LARGE1: variants seen among roughly 807,000 people sequenced by gnomAD.
The protein encoded by LARGE1 is LARGE xylosyl- and glucuronyltransferase 1, also known as xylosyl- and glucuronyltransferase LARGE1.
Under a neutral mutation model 87.6 loss-of-function variants are expected in LARGE1, and 43 were observed. That is an observed-to-expected ratio of 0.49 (90% CI 0.38 to 0.63). The LOEUF (loss-of-function observed/expected upper bound fraction) is 0.63. LARGE1 is among the 30% of genes least tolerant of loss of function. The probability of loss-of-function intolerance (pLI) is 0.00; values close to 1 mark genes in which losing one functional copy is unlikely to be tolerated. For missense variants in LARGE1, 802 were observed against 1,000.2 expected, an observed-to-expected ratio of 0.80 and a Z score of 2.67; for synonymous variants, 434 against 394.6, an observed-to-expected ratio of 1.10 and a Z score of -1.18.
chr22:33,795,897 T>C (rs1470209039), intron 1 of LARGE1, among the ~76,000 whole-genome samples: 3 of 151,322 alleles, frequency 2.0e-5, no homozygotes, highest in African/African-American at 4.9e-5. Flanking sequence ...ATACCTAATG[T>C]AAGTGACGAG....
At chr22:33,694,318 T>C (rs1414379003) in intron 2 of LARGE1, among the ~76,000 whole-genome samples, 1 of 152,192 alleles carries the variant, frequency 6.6e-6, no homozygotes, top group South Asian at 2.1e-4. Flanking sequence ...AGCTGCTGCT[T>C]AGGAGAAATT....
chr22:33,094,728 T>C, the LARGE1 span, among the ~76,000 whole-genome samples: 1 of 152,370 alleles, frequency 6.6e-6, no homozygotes, highest in African/African-American at 2.4e-5. Flanking sequence ...TTGTTTCGTT[T>C]TGGTTTTGAG....
chr22:33,301,618 C>T (rs1369929412), intron 12 of LARGE1, among the ~76,000 whole-genome samples: 33 of 152,172 alleles, frequency 2.2e-4, no homozygotes, highest in Admixed American at 2.2e-3. Flanking sequence ...GAGACCAGGG[C>T]TCTGGTCTCT....
chr22:33,656,711 T>C (rs538067293), intron 2 of LARGE1, among the ~76,000 whole-genome samples: 3 of 152,322 alleles, frequency 2.0e-5, no homozygotes, highest in Admixed American at 6.5e-5. Flanking sequence ...CGTGTGTGTG[T>C]TGATCTGCGG....
chr22:33,757,535 C>T (rs1331607457), intron 2 of LARGE1, among the ~76,000 whole-genome samples: 3 of 152,184 alleles, frequency 2.0e-5, no homozygotes, highest in African/African-American at 4.8e-5. Flanking sequence ...AGCTGACCCC[C>T]TCCAGGGCTC....
At chr22:33,447,047 C>T (rs1029393326) in intron 6 of LARGE1, among the ~76,000 whole-genome samples, 14 of 152,200 alleles carry the variant, frequency 9.2e-5, no homozygotes, top group Non-Finnish European at 1.3e-4. Flanking sequence ...GCACGCCACA[C>T]TGCAATCAGC....
At chr22:33,123,114 G>T in the LARGE1 span, among the ~76,000 whole-genome samples, 2 of 152,292 alleles carry the variant, frequency 1.3e-5, no homozygotes, top group Admixed American at 1.3e-4. Context: ...CAGCTAGGAA[G>T]GGGTAATCCA....
intron 4 of LARGE1, among the ~76,000 whole-genome samples, chr22:33,614,212 G>T (rs1314513588): frequency 6.6e-6 from 1 of 152,086 alleles, no homozygotes; most frequent in Non-Finnish European, 1.5e-5. Flanking sequence ...TACAGTTATT[G>T]TCAGATCGAT....
intron 6 of LARGE1, among the ~76,000 whole-genome samples, chr22:33,460,818 T>C (rs979898512): frequency 4.6e-5 from 7 of 152,344 alleles, no homozygotes; most frequent in South Asian, 4.1e-4. Context: ...GCCAGTTCTA[T>C]AGGAAATTTG....
intron 1 of LARGE1, among the ~76,000 whole-genome samples, chr22:33,896,412 T>C (rs1446928213): frequency 6.6e-6 from 1 of 152,228 alleles, no homozygotes; most frequent in Admixed American, 6.5e-5. Flanking sequence ...AATATCTCTT[T>C]AGAACTGTGC....
At chr22:33,575,181 G>A (rs2078317922) in intron 5 of LARGE1, among the ~76,000 whole-genome samples, 1 of 152,138 alleles carries the variant, frequency 6.6e-6, no homozygotes, top group Admixed American at 6.5e-5. Flanking sequence ...GACAGAAAAT[G>A]CTATTTCTCA....
At chr22:33,214,174 T>G (rs75949329) in intron 11 of LARGE1, among the ~76,000 whole-genome samples, 4,251 of 152,250 alleles carry the variant, frequency 0.028, 72 homozygotes, top group Middle Eastern at 0.11. Flanking sequence ...TTTCTCACAG[T>G]TCTGGAGGCT....
chr22:33,316,099 C>A lies in LARGE1; in HGVS notation c.1437G>T (p.Gln479His). 1 of 1,613,848 alleles carries A rather than the reference C, an allele frequency of 6.2e-7. No individual in the cohort carries two copies. The highest frequency in any genetic ancestry group is 8.5e-7 in the Non-Finnish European group (1 of 1,179,838). Residue 479 changes from glutamine (Q) to histidine (H), a missense_variant, in exon 11 of 15, where the codon CAG becomes CAT. This residue lies in a region of LARGE1 where 625 missense variants were observed against 841.9 expected (regional missense o/e 0.74). Transcript: ENST00000397394. ...ADSTDVTLVA[Q>H]LSMDRLQMLE... ...GTCTGCCATACCTGTCCATGGACAG[C>A]TGAGCGACCAGGGTGACGTCCGTGC... is the stretch of plus-strand genomic sequence containing the variant.
At chr22:33,877,397 A>T (rs559189636) in intron 1 of LARGE1, among the ~76,000 whole-genome samples, 1 of 152,232 alleles carries the variant, frequency 6.6e-6, no homozygotes, top group African/African-American at 2.4e-5. Flanking sequence ...TTTTTTTCCC[A>T]AGATTTTGTA....
intron 1 of LARGE1, among the ~76,000 whole-genome samples, chr22:33,887,625 C>A (rs1040121602): frequency 6.6e-6 from 1 of 152,020 alleles, no homozygotes; most frequent in Non-Finnish European, 1.5e-5. Context: ...GTAATCCCAG[C>A]TACTCGGGGG....
intron 11 of LARGE1, among the ~76,000 whole-genome samples, chr22:33,256,752 A>G (rs1217427868): frequency 6.6e-6 from 1 of 152,172 alleles, no homozygotes; most frequent in African/African-American, 2.4e-5. Flanking sequence ...GTCTGTATCA[A>G]CTCACATATT....
intron 9 of LARGE1, among the ~76,000 whole-genome samples, chr22:33,338,726 G>A (rs1311080039): frequency 6.6e-6 from 1 of 152,198 alleles, no homozygotes; most frequent in African/African-American, 2.4e-5. Context: ...TGAGTGCCTA[G>A]AGTATAGAGG....
intron 11 of LARGE1, among the ~76,000 whole-genome samples, chr22:33,204,694 C>G (rs774096954): frequency 6.6e-6 from 1 of 152,096 alleles, no homozygotes; most frequent in Non-Finnish European, 1.5e-5. Context: ...AGAGGTCTCC[C>G]TTATAGACTT....
intron 12 of LARGE1, among the ~76,000 whole-genome samples, chr22:33,284,853 G>T (rs1162853627): frequency 6.6e-6 from 1 of 152,184 alleles, no homozygotes; most frequent in Non-Finnish European, 1.5e-5. Flanking sequence ...GGGATTACAG[G>T]TGTGCACCAC....
Sources: allele counts gnomAD v4.1 joint callset (sites outside exome capture counted in the v4.1 genomes callset), GRCh38; gene constraint gnomAD v4.1.1; regional missense constraint gnomAD v4.1.1; transcripts MANE v1.5; gene names NCBI Gene and HGNC (gene_info 2026-07-23, HGNC 2026-07-21).